Variants in WASHC2A observed in about 807,000 individuals in gnomAD.
WASHC2A encodes the protein WASH complex subunit 2A, also known as WASH complex subunit FAM21A.
WASHC2A carries 82 observed loss-of-function variants against 140.3 expected under a neutral mutation model. The observed-to-expected ratio is 0.58, with a 90% CI of 0.49 to 0.70. The LOEUF (loss-of-function observed/expected upper bound fraction) is 0.70, where lower values mean the gene tolerates loss of function less well. Among genes scored for constraint, WASHC2A ranks in the 30% least tolerant of loss-of-function variants. The pLI is 0.00. For synonymous variants in WASHC2A, 340 were observed against 560.8 expected (o/e 0.61, Z 5.56); for missense variants, 985 against 1,521.8 (o/e 0.65, Z 5.87).
At chr10:50,099,264 T>C (rs1840818452) in intron 16 of WASHC2A, among the ~76,000 whole-genome samples, 1 of 142,438 alleles carries the variant, frequency 7.0e-6, no homozygotes, top group Non-Finnish European at 1.6e-5. Context: ...ACCATCATTC[T>C]TCTTCTTTTT....
intron 8 of WASHC2A, among the ~76,000 whole-genome samples, chr10:50,087,643 G>A (rs1208548793): frequency 6.6e-6 from 1 of 151,848 alleles, no homozygotes; most frequent in Non-Finnish European, 1.5e-5. Context: ...TTTTAAAATT[G>A]GAGACAATCT....
intron 2 of WASHC2A, 54 bp downstream of exon 2, chr10:50,068,281 G>A: frequency 6.7e-7 from 1 of 1,486,468 alleles, no homozygotes; most frequent in Non-Finnish European, 9.0e-7. Context: ...CTTGGCTTGC[G>A]CGCAGGAGGG....
At chr10:50,080,280 AT>A (rs1418124611) in intron 4 of WASHC2A, among the ~76,000 whole-genome samples, 1 of 152,190 alleles carries the variant, frequency 6.6e-6, no homozygotes, top group African/African-American at 2.4e-5. Flanking sequence ...TTATAAAATA[AT>A]TGTAATTGTC....
At chr10:50,111,906 TA>T (rs1160780189) in intron 20 of WASHC2A, among the ~76,000 whole-genome samples, 71 of 152,154 alleles carry the variant, frequency 4.7e-4, no homozygotes, top group Admixed American at 7.9e-4. Flanking sequence ...CACGCACCTG[TA>T]ATCCCAGCTA....
chr10:50,089,557 A>G (rs1399836931), intron 8 of WASHC2A, among the ~76,000 whole-genome samples: 20 of 152,238 alleles, frequency 1.3e-4, no homozygotes, highest in African/African-American at 4.8e-4. Flanking sequence ...AACTGGGATC[A>G]TGTTCTGGGA....
chr10:50,079,979 G>C (rs1417177568), intron 4 of WASHC2A, among the ~76,000 whole-genome samples: 3 of 146,948 alleles, frequency 2.0e-5, no homozygotes, highest in African/African-American at 7.6e-5. Context: ...TGCTCGTAGG[G>C]TTTTTTTTTT....
At chr10:50,113,133 C>G (rs2132913153) in intron 20 of WASHC2A, among the ~76,000 whole-genome samples, 1 of 151,832 alleles carries the variant, frequency 6.6e-6, no homozygotes, top group South Asian at 2.1e-4. Flanking sequence ...GATTGGGAGG[C>G]CAAGTGGAAG....
intron 3 of WASHC2A, among the ~76,000 whole-genome samples, chr10:50,073,001 C>T (rs1249605637): frequency 1.3e-5 from 2 of 152,068 alleles, no homozygotes; most frequent in South Asian, 2.1e-4. Context: ...CTTTCTAGGG[C>T]GAGAACAGTC....
rs1261147861 is a variant in WASHC2A, at chr10:50,068,911, T to A, written c.127-636T>A. Among the ~76,000 whole-genome samples, 14 of 144,034 alleles carry A rather than the reference T, an allele frequency of 9.7e-5. 1 individual carries two copies. The South Asian group carries it at 2.8e-3, about 29-fold the overall frequency. The allele number at this position is 144,034 out of a possible 152,430, so 94.5% of individuals were successfully genotyped here. ...TATTTAATTTTAGTAGAGATGGGGG[T>A]CTTGCTATGTTGCCCAGACTGGTCT... On this transcript the variant is annotated intron_variant, in intron 2 of 30. Transcript: ENST00000282633.
At chr10:50,078,478 T>A (rs1838575533) in intron 3 of WASHC2A, among the ~76,000 whole-genome samples, 197 bp from the exon 4 acceptor site, 1 of 152,204 alleles carries the variant, frequency 6.6e-6, no homozygotes, top group Non-Finnish European at 1.5e-5. Flanking sequence ...TCTTTTTTTT[T>A]TTGGTGAATG....
At chr10:50,094,051 C>G in intron 13 of WASHC2A, 134 bp downstream of exon 13, 5 of 1,397,332 alleles carry the variant, frequency 3.6e-6, no homozygotes, top group Non-Finnish European at 4.0e-6. Flanking sequence ...TACTGTGGTC[C>G]AGTTGAAAGT....
intron 20 of WASHC2A, among the ~76,000 whole-genome samples, chr10:50,111,279 A>T (rs1842268428): frequency 7.3e-6 from 1 of 137,406 alleles, no homozygotes; most frequent in Non-Finnish European, 1.7e-5. Flanking sequence ...ATAGATTCAG[A>T]AGTACGTCAG....
rs1166029357 is a variant in WASHC2A, at chr10:50,127,742, G to A, written c.3034G>A (p.Gly1012Ser). ...VPVLPGSGEA[G>S]VSFDLPAQAD... ...TGTCCTTCCCGGGAGTGGGGAGGCC[G>A]GTGTGAGTTTTGATCTTCCAGCTCA... The change falls in exon 28 of 31, where the codon GGT (glycine) becomes AGT (serine). Residue 1012 changes from glycine to serine, a missense_variant. Physicochemically the swap from Gly to Ser is moderately conservative, Grantham distance 56. Coordinates refer to ENST00000282633, the MANE Select transcript of WASHC2A (RefSeq NM_001005751.3). The A allele has an allele frequency of 1.1e-4, 169 of 1,554,002 alleles. No homozygotes were observed. The highest frequency in any genetic ancestry group is 1.3e-4 in the Non-Finnish European group (153 of 1,144,708).
intron 11 of WASHC2A, among the ~76,000 whole-genome samples, chr10:50,092,795 A>G (rs1840060828): frequency 1.3e-5 from 2 of 152,240 alleles, no homozygotes; most frequent in South Asian, 2.1e-4. Context: ...TCTTAGAAGT[A>G]TAGAAACTTA....
At chr10:50,081,714 C>T (rs1486080941) in intron 5 of WASHC2A, among the ~76,000 whole-genome samples, 35 of 151,774 alleles carry the variant, frequency 2.3e-4, no homozygotes, top group African/African-American at 7.3e-4. Flanking sequence ...CTCACTGCAA[C>T]CTCTGCCTCC....
At chr10:50,103,861 C>T (rs1335008721) in intron 17 of WASHC2A, among the ~76,000 whole-genome samples, 181 bp from the exon 18 acceptor site, 2 of 152,122 alleles carry the variant, frequency 1.3e-5, no homozygotes, top group African/African-American at 4.8e-5. Context: ...CCACTGCACA[C>T]ACCCTGCACA....
intron 2 of WASHC2A, among the ~76,000 whole-genome samples, chr10:50,069,330 G>A (rs1837581669): frequency 6.6e-6 from 1 of 151,740 alleles, no homozygotes; most frequent in Non-Finnish European, 1.5e-5. Context: ...GGAGGCTGAG[G>A]CAGGAGAATC....
chr10:50,129,687 C>A lies in WASHC2A; in HGVS notation c.3356C>A (p.Ser1119Tyr). 1 of 1,612,080 alleles carries A rather than the reference C, an allele frequency of 6.2e-7. No individual in the cohort carries two copies. Among genetic ancestry groups the A allele is most frequent in the Non-Finnish European group, 8.5e-7 (1 of 1,179,880 alleles). The change falls in exon 29 of 31, where the codon TCT becomes TAT. Residue 1119 changes from serine (S) to tyrosine (Y), a missense_variant. Transcript: ENST00000282633. ...PGVDRSPFAK[S>Y]LGHSRGEADL... is the part of the protein sequence containing the mutation. Reference sequence around the variant, plus strand: ...GTGGACAGAAGCCCCTTTGCAAAGTCTCTGGGTCATTCCAGAGGGGAGGCT... The same window carrying A: ...GTGGACAGAAGCCCCTTTGCAAAGTATCTGGGTCATTCCAGAGGGGAGGCT...
At chr10:50,088,271 TTTTC>T (rs1194915779) in intron 8 of WASHC2A, among the ~76,000 whole-genome samples, 68 of 146,730 alleles carry the variant, frequency 4.6e-4, no homozygotes, top group African/African-American at 1.5e-3. Flanking sequence ...CAATATTTTC[TTTTC>T]TTTTTTTTGA....
Sources: gnomAD v4.1 joint callset for allele counts (sites outside exome capture counted in the v4.1 genomes callset) on GRCh38, gnomAD v4.1.1 for gene constraint, MANE v1.5 for transcripts, NCBI Gene and HGNC (gene_info 2026-07-23, HGNC 2026-07-21) for gene names.